GPM6A: variants seen among roughly 807,000 people sequenced by gnomAD.
GPM6A encodes the protein glycoprotein M6A, also known as neuronal membrane glycoprotein M6-a.
Under a neutral mutation model 32.1 loss-of-function variants are expected in GPM6A, and 7 were observed. The observed-to-expected ratio is 0.22, with a 90% CI of 0.12 to 0.41. The LOEUF (loss-of-function observed/expected upper bound fraction) is 0.41. Ranked by LOEUF, GPM6A falls within the 10% of genes least tolerant of loss-of-function variation. The probability of loss-of-function intolerance (pLI) is 1.00; values close to 1 mark genes in which losing one functional copy is unlikely to be tolerated. For synonymous variants in GPM6A, 130 were observed against 123.4 expected, an observed-to-expected ratio of 1.05 and a Z score of -0.35; for missense variants, 235 against 347.2, an observed-to-expected ratio of 0.68 and a Z score of 2.57.
At chr4:175,987,318 T>C (rs1741004712) in intron 1 of GPM6A, among the ~76,000 whole-genome samples, 1 of 152,190 alleles carries the variant, frequency 6.6e-6, no homozygotes, top group Admixed American at 6.5e-5. Flanking sequence ...AGCTTCTTCC[T>C]AACAATATCC....
rs531081610 is a variant in GPM6A, at chr4:175,718,892, T to C, written c.38-17125A>G. ...TTTAAAACCAAGTGACTAAAGTAAC[T>C]ATAAAATAAATACTGATTATGAATT... is the stretch of plus-strand genomic sequence containing the variant. On this transcript the variant is annotated intron_variant, in intron 1 of 6. Coordinates refer to ENST00000393658, the MANE Select transcript of GPM6A (RefSeq NM_201591.3). Among the ~76,000 whole-genome samples the C allele has an allele frequency of 5.3e-5, 8 of 152,248 alleles. No homozygotes were observed. The East Asian group carries it at 5.8e-4, about 11-fold the overall frequency.
rs561071986 is a variant in GPM6A, at chr4:175,755,137, T to C, written c.38-53370A>G. 4.6e-5 allele frequency among the ~76,000 whole-genome samples: 7 copies of C among 152,256 alleles called. No individual in the cohort carries two copies. The South Asian group carries it at 1.4e-3, about 32-fold the overall frequency. ...CTTAATTCAAACACTTTCACACTTGTATCATAACAACATACAGACCCAAGG... is the reference window on the plus strand; with the variant it reads ...CTTAATTCAAACACTTTCACACTTGCATCATAACAACATACAGACCCAAGG... On this transcript the variant is annotated intron_variant, in intron 1 of 6. Transcript: ENST00000393658.
At chr4:175,740,660 A>G (rs749964091) in intron 1 of GPM6A, among the ~76,000 whole-genome samples, 9 of 152,198 alleles carry the variant, frequency 5.9e-5, no homozygotes, top group Admixed American at 1.3e-4. Context: ...AACTAGCGAG[A>G]TGAATAGTTA....
chr4:175,927,571 T>C (rs1355127753), intron 1 of GPM6A, among the ~76,000 whole-genome samples: 2 of 152,196 alleles, frequency 1.3e-5, no homozygotes, highest in East Asian at 1.9e-4. Flanking sequence ...CTCTACTTAA[T>C]AGAGTACTGG....
intron 1 of GPM6A, among the ~76,000 whole-genome samples, chr4:175,926,444 G>T (rs1738841886): frequency 6.6e-6 from 1 of 152,014 alleles, no homozygotes; most frequent in African/African-American, 2.4e-5. Context: ...TTTCAATAGG[G>T]CTTATGTTTT....
intron 1 of GPM6A, among the ~76,000 whole-genome samples, chr4:175,801,473 A>T (rs1734469494): frequency 6.6e-6 from 1 of 152,090 alleles, no homozygotes; most frequent in South Asian, 2.1e-4. Context: ...TAAGTAATAG[A>T]CCACTCAGTA....
intron 1 of GPM6A, among the ~76,000 whole-genome samples, chr4:175,962,755 G>A (rs1740207988): frequency 6.6e-6 from 1 of 152,130 alleles, no homozygotes; most frequent in African/African-American, 2.4e-5. Context: ...TTTTTACCCA[G>A]TGTCTAATGT....
At chr4:175,669,111 A>T (rs1262533803) in intron 3 of GPM6A, among the ~76,000 whole-genome samples, 1 of 152,228 alleles carries the variant, frequency 6.6e-6, no homozygotes, top group Admixed American at 6.5e-5. Flanking sequence ...ACAATTAAGC[A>T]TAGTAGGTAT....
chr4:175,744,911 T>C (rs1197997712), intron 1 of GPM6A, among the ~76,000 whole-genome samples: 1 of 152,160 alleles, frequency 6.6e-6, no homozygotes, highest in Admixed American at 6.5e-5. Flanking sequence ...ATTATGTGTA[T>C]TTATTGCAGG....
At chr4:175,813,695 T>C (rs1735015730), upstream of GPM6A, among the ~76,000 whole-genome samples, 1 of 152,214 alleles carries the variant, frequency 6.6e-6, no homozygotes. Flanking sequence ...AGCTTGTATT[T>C]CACATGCATT....
chr4:175,745,430 T>C (rs182807382), intron 1 of GPM6A, among the ~76,000 whole-genome samples: 1 of 152,292 alleles, frequency 6.6e-6, no homozygotes, highest in East Asian at 1.9e-4. Context: ...TTGAGAAAGA[T>C]AAAAAACATG....
intron 1 of GPM6A, chr4:176,002,251 TGC>T: frequency 6.5e-7 from 1 of 1,546,108 alleles, no homozygotes; most frequent in Non-Finnish European, 8.9e-7. Flanking sequence ...CTTTCTATAA[TGC>T]CCATTCCCGA....
At chr4:175,980,523 A>G (rs1740789822) in intron 1 of GPM6A, among the ~76,000 whole-genome samples, 1 of 152,216 alleles carries the variant, frequency 6.6e-6, no homozygotes, top group African/African-American at 2.4e-5. Flanking sequence ...TGTAAGATCA[A>G]TGCCTACTAA....
chr4:175,658,120 T>C (rs1742190977), intron 3 of GPM6A, among the ~76,000 whole-genome samples: 1 of 152,162 alleles, frequency 6.6e-6, no homozygotes, highest in Admixed American at 6.5e-5. Context: ...TTTGTTACGC[T>C]TATAACAACT....
intron 1 of GPM6A, among the ~76,000 whole-genome samples, chr4:175,788,256 T>A (rs1733879300): frequency 6.6e-6 from 1 of 152,000 alleles, no homozygotes; most frequent in Non-Finnish European, 1.5e-5. Context: ...GAAAATAGAT[T>A]TAAAGAATAA....
intron 1 of GPM6A, among the ~76,000 whole-genome samples, chr4:175,781,542 C>T (rs1039310093): frequency 3.3e-5 from 5 of 152,204 alleles, no homozygotes; most frequent in African/African-American, 9.7e-5. Flanking sequence ...GATACTTTTG[C>T]TCTTTTCCTT....
At chr4:175,875,865 C>T (rs1179595524) in intron 1 of GPM6A, among the ~76,000 whole-genome samples, 5 of 152,282 alleles carry the variant, frequency 3.3e-5, no homozygotes, top group Admixed American at 2.0e-4. Flanking sequence ...TATGGTGGAT[C>T]ACCTATCTTT....
chr4:175,650,302 ATTTATTTATTTATTTATTTT>A (rs1560851691), intron 4 of GPM6A, among the ~76,000 whole-genome samples: 1 of 143,732 alleles, frequency 7.0e-6, no homozygotes, highest in African/African-American at 2.7e-5. Context: ...TTATTTATTT[ATTTATTTATTTATTTATTTT>A]GAGATGGAGT....
chr4:175,763,516 A>G (rs1732838107), intron 1 of GPM6A, among the ~76,000 whole-genome samples: 1 of 152,182 alleles, frequency 6.6e-6, no homozygotes, highest in Admixed American at 6.6e-5. Context: ...AATGAAAATT[A>G]ATTTTATTTT....
Sources: gnomAD v4.1 joint callset for allele counts (sites outside exome capture counted in the v4.1 genomes callset) on GRCh38, gnomAD v4.1.1 for gene constraint, MANE v1.5 for transcripts, NCBI Gene and HGNC (gene_info 2026-07-23, HGNC 2026-07-21) for gene names.